SHISA6: variants seen among roughly 807,000 people sequenced by gnomAD.
SHISA6 encodes shisa family member 6, also known as protein shisa-6.
SHISA6 carries 22 observed loss-of-function variants against 47.9 expected under a neutral mutation model. The ratio of observed to expected loss-of-function variants is 0.46; its 90% CI spans 0.33 to 0.66. The LOEUF (loss-of-function observed/expected upper bound fraction) is 0.66, where lower values mean the gene tolerates loss of function less well. Among genes scored for constraint, SHISA6 ranks in the 30% least tolerant of loss-of-function variants. The probability of loss-of-function intolerance (pLI) is 0.02; values close to 1 mark genes in which losing one functional copy is unlikely to be tolerated. For missense variants in SHISA6, 680 were observed against 764.6 expected (o/e 0.89, Z 1.30); for synonymous variants, 388 against 337.8 (o/e 1.15, Z -1.63).
chr17:11,293,128 A>G (rs1909613037), intron 2 of SHISA6, among the ~76,000 whole-genome samples: 1 of 152,038 alleles, frequency 6.6e-6, no homozygotes, highest in Admixed American at 6.6e-5. Flanking sequence ...CCCGGCCTCC[A>G]GATTGATATT....
At chr17:11,487,261 C>T (rs1172434774) in intron 3 of SHISA6, among the ~76,000 whole-genome samples, 2 of 152,152 alleles carry the variant, frequency 1.3e-5, no homozygotes, top group African/African-American at 4.8e-5. Flanking sequence ...AATAAGTATC[C>T]TAGGTGTTGC....
chr17:11,282,911 C>T (rs1909170907), intron 2 of SHISA6, among the ~76,000 whole-genome samples: 1 of 152,180 alleles, frequency 6.6e-6, no homozygotes, highest in Non-Finnish European at 1.5e-5. Flanking sequence ...CCACATTCCA[C>T]ATTCAGGTTT....
intron 1 of SHISA6, among the ~76,000 whole-genome samples, chr17:11,252,934 C>G (rs1907869078): frequency 6.6e-6 from 1 of 152,158 alleles, no homozygotes; most frequent in Non-Finnish European, 1.5e-5. Context: ...GTCCCATAGT[C>G]TTGGGAGACT....
intron 3 of SHISA6, among the ~76,000 whole-genome samples, chr17:11,469,511 G>T (rs1294729461): frequency 6.6e-6 from 1 of 152,194 alleles, no homozygotes; most frequent in Admixed American, 6.5e-5. Context: ...CACTGAGTTT[G>T]GGGTAACTTG....
At chr17:11,481,012 C>A (rs994076882) in intron 3 of SHISA6, among the ~76,000 whole-genome samples, 2 of 152,090 alleles carry the variant, frequency 1.3e-5, no homozygotes, top group African/African-American at 2.4e-5. Flanking sequence ...GGTGTGGTGG[C>A]TTATGCCTAT....
At chr17:11,424,835 C>G (rs1914561371) in intron 3 of SHISA6, among the ~76,000 whole-genome samples, 1 of 151,902 alleles carries the variant, frequency 6.6e-6, no homozygotes, top group Admixed American at 6.6e-5. Flanking sequence ...AACCCCGTCT[C>G]TACTAAAAAT....
chr17:11,394,893 CAT>C (rs991493179), intron 3 of SHISA6, among the ~76,000 whole-genome samples: 20 of 151,306 alleles, frequency 1.3e-4, no homozygotes, highest in African/African-American at 4.9e-4. Context: ...ACATTATAAA[CAT>C]GTACAGTTTT....
chr17:11,293,643 G>C (rs1441709355), intron 2 of SHISA6, among the ~76,000 whole-genome samples: 1 of 152,044 alleles, frequency 6.6e-6, no homozygotes, highest in Non-Finnish European at 1.5e-5. Context: ...AGGAACGCAA[G>C]CATGGTGATG....
At chr17:11,379,854 A>G (rs1912953620) in intron 3 of SHISA6, 1 of 250,308 alleles carries the variant, frequency 4.0e-6, no homozygotes, top group Non-Finnish European at 7.7e-6. Context: ...CCTCTTGGCT[A>G]TTATTCCTTT....
chr17:11,499,400 CA>C (rs144083977), intron 3 of SHISA6, among the ~76,000 whole-genome samples: 4,950 of 152,226 alleles, frequency 0.033, 120 homozygotes, highest in South Asian at 0.079. Context: ...CATGGAACCT[CA>C]CAAACACACA....
chr17:11,537,546 G>A (rs375244952), intron 3 of SHISA6, among the ~76,000 whole-genome samples: 11 of 152,202 alleles, frequency 7.2e-5, no homozygotes, highest in South Asian at 6.2e-4. Context: ...CCCCCAACAC[G>A]CTCATACTCA....
chr17:11,304,390 C>T (rs1910033647), intron 2 of SHISA6, among the ~76,000 whole-genome samples: 1 of 152,138 alleles, frequency 6.6e-6, no homozygotes. Context: ...GATCTCAACA[C>T]CTGCAGTCAA....
intron 2 of SHISA6, among the ~76,000 whole-genome samples, chr17:11,340,305 C>A (rs1911478324): frequency 6.6e-6 from 1 of 152,236 alleles, no homozygotes; most frequent in South Asian, 2.1e-4. Flanking sequence ...GATGATTCTT[C>A]TGCAGGTCTT....
chr17:11,495,317 C>T (rs2071399227), intron 3 of SHISA6, among the ~76,000 whole-genome samples: 1 of 152,170 alleles, frequency 6.6e-6, no homozygotes, highest in African/African-American at 2.4e-5. Flanking sequence ...CCTTCCTTCT[C>T]ACCTTTCCTG....
intron 3 of SHISA6, among the ~76,000 whole-genome samples, chr17:11,453,737 A>C (rs992326642): frequency 6.6e-6 from 1 of 152,364 alleles, no homozygotes; most frequent in Middle Eastern, 3.4e-3. Context: ...GGAATAGACT[A>C]TCAAAGCATA....
At chr17:11,515,312 AAAAGGAAG>A (rs1466342007) in intron 3 of SHISA6, among the ~76,000 whole-genome samples, 3 of 113,154 alleles carry the variant, frequency 2.7e-5, no homozygotes, top group African/African-American at 7.1e-5. Context: ...GGAAGAAAGA[AAAAGGAAG>A]GAAGGAAGGA....
intron 3 of SHISA6, among the ~76,000 whole-genome samples, chr17:11,497,496 C>T (rs569537616): frequency 3.1e-4 from 47 of 152,174 alleles, no homozygotes; most frequent in Non-Finnish European, 5.4e-4. Flanking sequence ...GGTCTGAGAC[C>T]GTGTTGAGAA....
chr17:11,471,241 G>A (rs534220177), intron 3 of SHISA6, among the ~76,000 whole-genome samples: 2 of 151,750 alleles, frequency 1.3e-5, no homozygotes, highest in South Asian at 4.2e-4. Context: ...AAAGAGGAGG[G>A]GAAGGTGCTA....
intron 3 of SHISA6, among the ~76,000 whole-genome samples, chr17:11,394,906 G>T (rs1913514758): frequency 6.7e-6 from 1 of 150,234 alleles, no homozygotes; most frequent in Non-Finnish European, 1.5e-5. Flanking sequence ...GTACAGTTTT[G>T]CAACTATATG....
Sources: gnomAD v4.1 joint callset for allele counts (sites outside exome capture counted in the v4.1 genomes callset) on GRCh38, gnomAD v4.1.1 for gene constraint, MANE v1.5 for transcripts, NCBI Gene and HGNC (gene_info 2026-07-23, HGNC 2026-07-21) for gene names.